The following TEKT4 variants were observed in gnomAD, a reference collection of about 807,000 sequenced individuals.
TEKT4 encodes tektin-4.
A neutral mutation model predicts 46.0 loss-of-function variants in TEKT4; 46 were observed. The observed-to-expected ratio is 1.00, with a 90% CI of 0.79 to 1.28. TEKT4 has a LOEUF of 1.28. Among genes scored for constraint, TEKT4 ranks in the 50% most tolerant of loss-of-function variants. TEKT4 has a pLI of 0.00. For missense variants in TEKT4, 790 were observed against 622.9 expected (o/e 1.27, Z -2.85); for synonymous variants, 325 against 265.8 (o/e 1.22, Z -2.17).
Position 94,872,454 on chromosome 2 carries a change from G to A in TEKT4, c.498+377G>A, listed in dbSNP as rs574660577. 341 of 353,106 alleles carry A rather than the reference G, an allele frequency of 9.7e-4. 1 individual carries two copies. The highest frequency in any genetic ancestry group is 2.1e-3 in the Admixed American group (50 of 23,544). The allele number at this position is 353,106 out of a possible 1,614,324, so 21.9% of individuals were successfully genotyped here. A position where few individuals can be genotyped will look rare whatever the true frequency, so the allele number is the denominator to read the frequency against. Reference sequence around the variant, plus strand: ...CACTGCAGGTGTGGACAGGTAAGGTGGGGTGGGCTGGGAGCCACTGCTCCC... The same window carrying A: ...CACTGCAGGTGTGGACAGGTAAGGTAGGGTGGGCTGGGAGCCACTGCTCCC... On this transcript the variant is annotated intron_variant, in intron 1 of 5. Transcript: ENST00000295201.
intron 4 of TEKT4, 27 bp downstream of exon 4, chr2:94,875,025 G>GC: frequency 1.9e-6 from 3 of 1,557,704 alleles, no homozygotes; most frequent in Non-Finnish European, 2.6e-6. Flanking sequence ...CCCGAAGACG[G>GC]CCCCCTCTCA....
At chr2:94,873,831 A>G (rs1680693468) in intron 2 of TEKT4, 134 bp from the exon 3 acceptor site, 3 of 1,332,022 alleles carry the variant, frequency 2.3e-6, no homozygotes, top group Non-Finnish European at 3.1e-6. Context: ...ACTGCTGAGC[A>G]CGAGGGCTGC....
Position 94,873,533 on chromosome 2 carries a change from T to A in TEKT4, c.512T>A (p.Ile171Asn), listed in dbSNP as rs1254796676. The A allele has an allele frequency of 6.2e-7, 1 of 1,612,256 alleles. No homozygotes were observed. The highest frequency in any genetic ancestry group is 1.3e-5 in the African/African-American group (1 of 74,818). ...ETELLKEAEL[I>N]RNIQELLKRT... ...CTCCTCCCTCAGGAAGCCGAGCTCATCCGGAACATTCAGGAGCTGCTGAAG... is the reference window on the plus strand; with the variant it reads ...CTCCTCCCTCAGGAAGCCGAGCTCAACCGGAACATTCAGGAGCTGCTGAAG... Residue 171 changes from isoleucine (I) to asparagine (N), a missense_variant, in exon 2 of 6, where the codon ATC becomes AAC. Ile to Asn is a moderately radical substitution (Grantham distance 149). Coordinates refer to ENST00000295201, the MANE Select transcript of TEKT4 (RefSeq NM_144705.4).
chr2:94,873,535 C>G lies in TEKT4; in HGVS notation c.514C>G (p.Arg172Gly). Residue 172 changes from arginine (R) to glycine (G), a missense_variant, in exon 2 of 6, where the codon CGG (arginine) becomes GGG (glycine). Physicochemically the swap from Arg to Gly is moderately radical, Grantham distance 125. Transcript: ENST00000295201. ...TELLKEAELIRNIQELLKRTI... is the reference protein window; with the variant it reads ...TELLKEAELIGNIQELLKRTI... Reference sequence around the variant, plus strand: ...CCTCCCTCAGGAAGCCGAGCTCATCCGGAACATTCAGGAGCTGCTGAAGAG... The same window carrying G: ...CCTCCCTCAGGAAGCCGAGCTCATCGGGAACATTCAGGAGCTGCTGAAGAG... 1 of 1,612,500 alleles carries G rather than the reference C, an allele frequency of 6.2e-7. No individual in the cohort carries two copies. The highest frequency in any genetic ancestry group is 8.5e-7 in the Non-Finnish European group (1 of 1,180,006).
chr2:94,873,518 A>G lies in TEKT4; in HGVS notation c.499-2A>G. 6.2e-7 allele frequency: 1 copy of G among 1,612,176 alleles called. No individual in the cohort carries two copies. Among genetic ancestry groups the G allele is most frequent in the Non-Finnish European group, 8.5e-7 (1 of 1,179,988 alleles). On this transcript the variant is annotated splice_acceptor_variant, in intron 1 of 5. Coordinates refer to ENST00000295201, the MANE Select transcript of TEKT4 (RefSeq NM_144705.4). LOFTEE classifies it high-confidence loss of function. Reference sequence around the variant, plus strand: ...TGGTGCTCAGGGCGTCTCCTCCCTCAGGAAGCCGAGCTCATCCGGAACATT... The same window carrying G: ...TGGTGCTCAGGGCGTCTCCTCCCTCGGGAAGCCGAGCTCATCCGGAACATT...
chr2:94,874,053 C>T lies in TEKT4; in HGVS notation c.658C>T (p.His220Tyr), dbSNP rs782251682. The T allele has an allele frequency of 2.5e-6, 4 of 1,613,646 alleles. No individual in the cohort carries two copies. Among genetic ancestry groups the T allele is most frequent in the African/African-American group, 1.3e-5 (1 of 74,928 alleles). Residue 220 changes from histidine (H) to tyrosine (Y), a missense_variant, in exon 3 of 6, where the codon CAC becomes TAC. Transcript: ENST00000295201. ...CATCGACGAGACCTGCGGGCGCCAC[C>T]ACAGCCAGAGCACCGAGGTGCAGGC... ...YNIDETCGRH[H>Y]SQSTEVQAHP... is the part of the protein sequence containing the mutation.
chr2:94,873,825 C>T, intron 2 of TEKT4, 140 bp from the exon 3 acceptor site: 2 of 1,302,860 alleles, frequency 1.5e-6, no homozygotes, highest in Non-Finnish European at 2.1e-6. Context: ...CTGGTCACTG[C>T]TGAGCACGAG....
In TEKT4 at chr2:94,872,384, C is replaced by T. The variant is rs1203176870; in HGVS notation, c.498+307C>T. 1.8e-5 allele frequency: 9 copies of T among 491,268 alleles called. No homozygotes were observed. In the Admixed American group the frequency reaches 2.6e-4, roughly 14 times the overall value. The allele number at this position is 491,268 out of a possible 1,614,324, so 30.4% of individuals were successfully genotyped here. A position where few individuals can be genotyped will look rare whatever the true frequency, so the allele number is the denominator to read the frequency against. On this transcript the variant is annotated intron_variant, in intron 1 of 5. Coordinates refer to ENST00000295201, the MANE Select transcript of TEKT4 (RefSeq NM_144705.4). Reference sequence around the variant, plus strand: ...AGGCACCTCCCCAGAGACCCTCCCTCGCTGGGACAGTTGCTCCCAAGGTGG... The same window carrying T: ...AGGCACCTCCCCAGAGACCCTCCCTTGCTGGGACAGTTGCTCCCAAGGTGG...
In TEKT4 at chr2:94,873,983, G is replaced by A. The variant is rs782453616; in HGVS notation, c.588G>A (p.Lys196=). ...VSQIRLNREH[K]ETCEMDWSDK... is the part of the protein sequence containing the mutation. Reference sequence around the variant, plus strand: ...GCCCCAGACTGAACCGGGAGCACAAGGAGACCTGCGAGATGGACTGGTCAG... The same window carrying A: ...GCCCCAGACTGAACCGGGAGCACAAAGAGACCTGCGAGATGGACTGGTCAG... The change falls in exon 3 of 6, where the codon AAG becomes AAA. Residue 196 remains lysine, a synonymous_variant. Coordinates refer to ENST00000295201, the MANE Select transcript of TEKT4 (RefSeq NM_144705.4). The A allele has an allele frequency of 4.3e-6, 7 of 1,611,666 alleles. No homozygotes were observed. Among genetic ancestry groups the A allele is most frequent in the African/African-American group, 2.7e-5 (2 of 74,892 alleles).
At chr2:94,873,498 C>T (rs199834284) in intron 1 of TEKT4, 22 bp from the exon 2 acceptor site, 5 of 1,611,976 alleles carry the variant, frequency 3.1e-6, no homozygotes, top group Non-Finnish European at 3.4e-6. Context: ...GGCTCTGGTG[C>T]TCAGGGCGTC....
At chr2:94,875,095 A>G in intron 4 of TEKT4, 97 bp downstream of exon 4, 1 of 1,276,870 alleles carries the variant, frequency 7.8e-7, no homozygotes. Flanking sequence ...GAGGGACCCC[A>G]GAAGCAAGTG....
chr2:94,876,031 C>T (rs555285041), intron 5 of TEKT4, among the ~76,000 whole-genome samples: 2 of 152,322 alleles, frequency 1.3e-5, no homozygotes, highest in African/African-American at 4.8e-5. Flanking sequence ...CTCCTTCAGA[C>T]AAGGTGAGCT....
At chr2:94,876,451 C>T (rs1336915783) in intron 5 of TEKT4, 102 bp from the exon 6 acceptor site, 2 of 980,956 alleles carry the variant, frequency 2.0e-6, no homozygotes, top group African/African-American at 1.6e-5. Context: ...CTTCCCAGGA[C>T]CTCCTGCCAG....
At chr2:94,875,878 C>T in intron 5 of TEKT4, 136 bp downstream of exon 5, 1 of 870,062 alleles carries the variant, frequency 1.1e-6, no homozygotes, top group Non-Finnish European at 1.8e-6. Flanking sequence ...TTTGGGGCCA[C>T]ACACAACAAG....
chr2:94,873,490 C>T (rs1553395305), intron 1 of TEKT4, 30 bp from the exon 2 acceptor site: 3 of 1,611,886 alleles, frequency 1.9e-6, no homozygotes, highest in Non-Finnish European at 1.7e-6. Context: ...CAGGGACTGG[C>T]TCTGGTGCTC....
intron 1 of TEKT4, 57 bp downstream of exon 1, chr2:94,872,134 C>CA: frequency 1.4e-6 from 2 of 1,475,768 alleles, no homozygotes; most frequent in East Asian, 2.5e-5. Context: ...GAGCCCCCCC[C>CA]CCCGCAGTTC....
rs1292471588 is a variant in TEKT4, at chr2:94,871,601, T to C, written c.22T>C (p.Cys8Arg). 1.9e-6 allele frequency: 3 copies of C among 1,609,502 alleles called. No homozygotes were observed. The highest frequency in any genetic ancestry group is 2.5e-6 in the Non-Finnish European group (3 of 1,178,414). Residue 8 changes from cysteine (C) to arginine (R), a missense_variant, in exon 1 of 6, where the codon TGC becomes CGC. Coordinates refer to ENST00000295201, the MANE Select transcript of TEKT4 (RefSeq NM_144705.4). ...CACCATGGCGCAGACAGTGCCGCCCTGCGAGCTGCCCTGCAAAGAGTACGA... is the reference window on the plus strand; with the variant it reads ...CACCATGGCGCAGACAGTGCCGCCCCGCGAGCTGCCCTGCAAAGAGTACGA... MAQTVPP[C>R]ELPCKEYDVA...
At chr2:94,873,928 T>G (rs112988762) in intron 2 of TEKT4, 37 bp from the exon 3 acceptor site, 2 of 1,513,212 alleles carry the variant, frequency 1.3e-6, no homozygotes. Context: ...GGGCCCTCCC[T>G]GGGCACACAT....
intron 5 of TEKT4, among the ~76,000 whole-genome samples, chr2:94,876,334 T>C (rs1558609815): frequency 6.6e-6 from 1 of 152,144 alleles, no homozygotes; most frequent in Non-Finnish European, 1.5e-5. Context: ...GGGTCGAGAT[T>C]GCACACGGGT....
Sources: gnomAD v4.1 joint callset for allele counts (sites outside exome capture counted in the v4.1 genomes callset) on GRCh38, gnomAD v4.1.1 for gene constraint, MANE v1.5 for transcripts, NCBI Gene and HGNC (gene_info 2026-07-23, HGNC 2026-07-21) for gene names.